The following VPS13C variants were observed in gnomAD, a reference collection of about 807,000 sequenced individuals.
VPS13C encodes vacuolar protein sorting 13 homolog C.
A neutral mutation model predicts 456.8 loss-of-function variants in VPS13C; 358 were observed. The observed-to-expected ratio is 0.78, with a 90% CI of 0.72 to 0.86. VPS13C has a LOEUF of 0.86. Ranked by LOEUF, VPS13C falls within the 40% of genes least tolerant of loss-of-function variation. VPS13C has a pLI of 0.00. For missense variants in VPS13C, 4,818 were observed against 4,385.4 expected (o/e 1.10, Z -2.79); for synonymous variants, 1,578 against 1,486.7 (o/e 1.06, Z -1.41).
intron 66 of VPS13C, among the ~76,000 whole-genome samples, chr15:61,898,094 TGAAG>T (rs2042886245): frequency 6.6e-6 from 1 of 151,764 alleles, no homozygotes; most frequent in Non-Finnish European, 1.5e-5. Flanking sequence ...TAAGAGCTCC[TGAAG>T]GAAGCGCTAA....
At position 61,918,128 on chromosome 15, in the gene VPS13C, G is replaced by A. The variant is rs367900242; in HGVS notation, c.7760+8C>T. 8.9e-6 allele frequency: 14 copies of A among 1,576,950 alleles called. No homozygotes were observed. The highest frequency in any genetic ancestry group is 6.9e-5 in the African/African-American group (5 of 72,260). ...ATTTAAAGTTTAATACATTTAAGAA[G>A]TATCTACCTATATGAATCTAAAGGA... On this transcript the variant is annotated splice_region_variant and intron_variant, in intron 59 of 84. Transcript: ENST00000644861.
In VPS13C at chr15:61,884,286, A is replaced by C; in HGVS notation, c.9342-17T>G. On this transcript the variant is annotated splice_polypyrimidine_tract_variant and intron_variant, in intron 67 of 84. Coordinates refer to ENST00000644861, the MANE Select transcript of VPS13C (RefSeq NM_020821.3). ...ACACCAGAACTAAATAATTCACACA[A>C]AAAAATTAAATTAGCAATATGTATT... The C allele has an allele frequency of 1.9e-6, 3 of 1,605,404 alleles. No individual in the cohort carries two copies. Among genetic ancestry groups the C allele is most frequent in the Non-Finnish European group, 8.5e-7 (1 of 1,177,844 alleles).
chr15:61,975,792 A>G (rs1445642926), intron 24 of VPS13C, among the ~76,000 whole-genome samples: 2 of 152,100 alleles, frequency 1.3e-5, no homozygotes, highest in Non-Finnish European at 2.9e-5. Context: ...CAAGAAAAGC[A>G]AAGACCAATA....
At position 61,946,321 on chromosome 15, in the gene VPS13C, A is replaced by C. The variant is rs1405606629; in HGVS notation, c.4966T>G (p.Ser1656Ala). The C allele has an allele frequency of 1.9e-6, 3 of 1,593,416 alleles. No individual in the cohort carries two copies. Among genetic ancestry groups the C allele is most frequent in the Non-Finnish European group, 2.6e-6 (3 of 1,173,464 alleles). ...DIIVMNVDLQ[S>A]IHKKAVSILG... Reference sequence around the variant, plus strand: ...TTTTTAATCACCTTTTTGTGAATGGACTGCAAATCTACATTCATAACTATA... The same window carrying C: ...TTTTTAATCACCTTTTTGTGAATGGCCTGCAAATCTACATTCATAACTATA... The change falls in exon 44 of 85, where the codon TCC becomes GCC. Residue 1656 changes from serine (S) to alanine (A), a missense_variant. Ser to Ala is a moderately conservative substitution (Grantham distance 99, BLOSUM62 1). This residue lies in a region of VPS13C where 4,552 missense variants were observed against 4,130.6 expected (regional missense o/e 1.10). Coordinates refer to ENST00000644861, the MANE Select transcript of VPS13C (RefSeq NM_020821.3).
chr15:61,951,042 C>G lies in VPS13C; in HGVS notation c.4457-18G>C. On this transcript the variant is annotated intron_variant, in intron 39 of 84. Coordinates refer to ENST00000644861, the MANE Select transcript of VPS13C (RefSeq NM_020821.3). ...TTTAGAGTCTAAAAGAGAAAAAAGA[C>G]AAAGTTGATCCATCAATTAAACATT... The G allele has an allele frequency of 6.7e-7, 1 of 1,487,186 alleles. No homozygotes were observed. The highest frequency in any genetic ancestry group is 9.2e-7 in the Non-Finnish European group (1 of 1,090,696). The allele number at this position is 1,487,186 out of a possible 1,614,324, so 92.1% of individuals were successfully genotyped here.
At chr15:61,954,773 C>T (rs953415200) in intron 37 of VPS13C, among the ~76,000 whole-genome samples, 2 of 152,142 alleles carry the variant, frequency 1.3e-5, no homozygotes, top group Middle Eastern at 3.4e-3. Flanking sequence ...ATTAAGTGAA[C>T]AAATGTTAAT....
chr15:62,023,621 C>G (rs1054273639), intron 7 of VPS13C, 101 bp from the exon 8 acceptor site: 1 of 1,121,048 alleles, frequency 8.9e-7, no homozygotes, highest in African/African-American at 1.6e-5. Flanking sequence ...ATGGAAATTA[C>G]AGCCAATAGT....
chr15:61,945,966 C>A, intron 44 of VPS13C, 84 bp from the exon 45 acceptor site: 1 of 1,172,484 alleles, frequency 8.5e-7, no homozygotes, highest in Non-Finnish European at 1.1e-6. Flanking sequence ...TCTCGTATTA[C>A]AGAATCCTTG....
rs143736854 is a variant in VPS13C, at chr15:61,985,014, T to C, written c.1579-15A>G. The C allele has an allele frequency of 2.4e-4, 340 of 1,397,738 alleles. No homozygotes were observed. In the African/African-American group the frequency reaches 3.8e-3, roughly 16 times the overall value. 86.6% of individuals were successfully genotyped at this position (1,397,738 alleles called of 1,614,324 possible). A position where few individuals can be genotyped will look rare whatever the true frequency, so the allele number is the denominator to read the frequency against. On this transcript the variant is annotated splice_polypyrimidine_tract_variant and intron_variant, in intron 18 of 84. Coordinates refer to ENST00000644861, the MANE Select transcript of VPS13C (RefSeq NM_020821.3). The stretch of plus-strand genomic sequence containing the variant: ...TGGGCAACATACTATACAGAAAGAA[T>C]GAAATTAAAATTGTTAAAGTTTAAA...
chr15:61,876,943 T>C lies in VPS13C; in HGVS notation c.10224+30A>G, dbSNP rs765141140. On this transcript the variant is annotated intron_variant, in intron 75 of 84. Coordinates refer to ENST00000644861, the MANE Select transcript of VPS13C (RefSeq NM_020821.3). Reference sequence around the variant, plus strand: ...TGTTTTGATATTTTATGAAGTATATTCCTTATGAAATACTATGATAGGAAA... The same window carrying C: ...TGTTTTGATATTTTATGAAGTATATCCCTTATGAAATACTATGATAGGAAA... 3.3e-6 allele frequency: 5 copies of C among 1,508,902 alleles called. No homozygotes were observed. In the Admixed American group the frequency reaches 7.2e-5, roughly 22 times the overall value. The allele number at this position is 1,508,902 out of a possible 1,614,324, so 93.5% of individuals were successfully genotyped here.
chr15:61,968,602 G>C (rs2045452262), intron 28 of VPS13C, among the ~76,000 whole-genome samples: 1 of 152,040 alleles, frequency 6.6e-6, no homozygotes, highest in Non-Finnish European at 1.5e-5. Flanking sequence ...TCAAATACCT[G>C]AGCAAACAAT....
At position 61,890,287 on chromosome 15, in the gene VPS13C, T is replaced by C; in HGVS notation, c.9219A>G (p.Lys3073=). The change falls in exon 67 of 85, where the codon AAA becomes AAG. Residue 3073 remains lysine, a synonymous_variant. Coordinates refer to ENST00000644861, the MANE Select transcript of VPS13C (RefSeq NM_020821.3). ...GTTCCATTTCTTCTGCCTGCAGTGC[T>C]TTGGAAACCAAGGCAACATCATCGG... ...LFTDDVALVS[K]ALQAEEMEQA... The C allele has an allele frequency of 6.2e-7, 1 of 1,614,102 alleles. No homozygotes were observed. Among genetic ancestry groups the C allele is most frequent in the South Asian group, 1.1e-5 (1 of 91,074 alleles).
chr15:61,967,276 C>G, intron 29 of VPS13C, 92 bp downstream of exon 29: 1 of 1,056,190 alleles, frequency 9.5e-7, no homozygotes, highest in Non-Finnish European at 1.4e-6. Context: ...TGATACACAT[C>G]CAGAGCCATT....
chr15:61,974,460 T>C (rs2045646691), intron 24 of VPS13C, 43 bp from the exon 25 acceptor site: 23 of 1,594,760 alleles, frequency 1.4e-5, no homozygotes, highest in Non-Finnish European at 1.8e-5. Context: ...ATCTCTACAT[T>C]ACAAACGAGG....
chr15:61,880,802 T>C (rs1307156128), intron 72 of VPS13C, 41 bp downstream of exon 72: 2 of 1,562,042 alleles, frequency 1.3e-6, no homozygotes, highest in East Asian at 2.3e-5. Context: ...GATTTAAATT[T>C]TGTTAATTTT....
intron 74 of VPS13C, 26 bp downstream of exon 74, chr15:61,878,581 T>C (rs2140897396): frequency 6.2e-7 from 1 of 1,601,728 alleles, no homozygotes; most frequent in Non-Finnish European, 8.5e-7. Context: ...CACCTGCTTC[T>C]CAATGTACTC....
At chr15:61,887,714 T>C (rs553292556) in intron 67 of VPS13C, among the ~76,000 whole-genome samples, 5 of 151,910 alleles carry the variant, frequency 3.3e-5, no homozygotes, top group East Asian at 3.9e-4. Context: ...TACATACATA[T>C]ATAAAAATAA....
chr15:61,973,488 A>C lies in VPS13C; in HGVS notation c.2583T>G (p.Leu861=). 1 of 1,612,744 alleles carries C rather than the reference A, an allele frequency of 6.2e-7. No homozygotes were observed. ...CAGTGTCTAGCAATAGTGAAGTACC[A>C]AGTAGACCTTTTGTACCACCTGAAA... ...PIISGGTKGL[L]GTSLLLDTVE... is the part of the protein sequence containing the mutation. The change falls in exon 26 of 85, where the codon CTT becomes CTG. Residue 861 remains leucine, a synonymous_variant. Coordinates refer to ENST00000644861, the MANE Select transcript of VPS13C (RefSeq NM_020821.3).
intron 79 of VPS13C, 27 bp from the exon 80 acceptor site, chr15:61,869,650 G>A: frequency 3.1e-6 from 5 of 1,612,384 alleles, no homozygotes; most frequent in Non-Finnish European, 4.2e-6. Context: ...ACCATGAATG[G>A]ATAAAGATAT....
Sources: gnomAD v4.1 joint callset for allele counts (sites outside exome capture counted in the v4.1 genomes callset) on GRCh38, gnomAD v4.1.1 for gene constraint, gnomAD v4.1.1 regional missense constraint, MANE v1.5 for transcripts, NCBI Gene and HGNC (gene_info 2026-07-23, HGNC 2026-07-21) for gene names.